AUTS2: variants seen among roughly 807,000 people sequenced by gnomAD.
AUTS2 encodes activator of transcription and developmental regulator AUTS2.
AUTS2 carries 17 observed loss-of-function variants against 112.4 expected under a neutral mutation model. That is an observed-to-expected ratio of 0.15 (90% CI 0.10 to 0.23). AUTS2 has a LOEUF of 0.23. Among genes scored for constraint, AUTS2 ranks in the 10% least tolerant of loss-of-function variants. The probability of loss-of-function intolerance (pLI) is 1.00; values close to 1 mark genes in which losing one functional copy is unlikely to be tolerated. For missense variants in AUTS2, 1,510 were observed against 1,701.6 expected (o/e 0.89, Z 1.98); for synonymous variants, 751 against 702.7 (o/e 1.07, Z -1.09).
At chr7:70,543,850 CT>C (rs1227900457) in intron 5 of AUTS2, among the ~76,000 whole-genome samples, 1 of 152,190 alleles carries the variant, frequency 6.6e-6, no homozygotes, top group Non-Finnish European at 1.5e-5. Context: ...TCGCCATTTT[CT>C]TTGCCTGGGA....
At chr7:70,361,741 C>CATG (rs1792278892) in intron 4 of AUTS2, among the ~76,000 whole-genome samples, 1 of 152,134 alleles carries the variant, frequency 6.6e-6, no homozygotes, top group African/African-American at 2.4e-5. Flanking sequence ...GTAAGTAATA[C>CATG]ATGCTCTCTG....
intron 4 of AUTS2, among the ~76,000 whole-genome samples, chr7:70,341,397 C>T (rs1394630479): frequency 6.6e-6 from 1 of 152,226 alleles, no homozygotes; most frequent in African/African-American, 2.4e-5. Flanking sequence ...ATTTACCCTT[C>T]TGAAACTGTG....
intron 4 of AUTS2, among the ~76,000 whole-genome samples, chr7:70,351,100 G>A (rs371373058): frequency 1.3e-5 from 2 of 150,074 alleles, no homozygotes; most frequent in African/African-American, 4.9e-5. Flanking sequence ...ACCCAGGCTG[G>A]AGTGCAATGG....
rs189443154 is a variant in AUTS2, at chr7:69,633,566, C to T, written c.309+33604C>T. ...TGTATCAAACTACATTCCCACCAAC[C>T]GTATACAAGAGTTCCTTTTCTCCAC... On this transcript the variant is annotated intron_variant, in intron 1 of 18. Transcript: ENST00000342771. Among the ~76,000 whole-genome samples the T allele has an allele frequency of 2.7e-3, 412 of 152,142 alleles. 1 individual carries two copies. Among genetic ancestry groups the T allele is most frequent in the Middle Eastern group, 0.01 (3 of 294 alleles).
intron 2 of AUTS2, among the ~76,000 whole-genome samples, chr7:70,065,557 G>A (rs933976834): frequency 4.6e-5 from 7 of 152,008 alleles, no homozygotes; most frequent in African/African-American, 1.7e-4. Flanking sequence ...TTAGCTGGGT[G>A]TGGTGGCACC....
intron 3 of AUTS2, among the ~76,000 whole-genome samples, chr7:70,121,210 A>G (rs1805665288): frequency 6.6e-6 from 1 of 152,196 alleles, no homozygotes; most frequent in Admixed American, 6.5e-5. Flanking sequence ...AAATGAATCA[A>G]TGACCAAAAT....
intron 3 of AUTS2, among the ~76,000 whole-genome samples, chr7:70,121,954 A>C (rs143107927): frequency 6.6e-6 from 1 of 152,242 alleles, no homozygotes; most frequent in Non-Finnish European, 1.5e-5. Flanking sequence ...AAATGAATTG[A>C]TAAACAAAAT....
intron 3 of AUTS2, among the ~76,000 whole-genome samples, chr7:70,133,674 A>T (rs1806393081): frequency 6.6e-6 from 1 of 152,226 alleles, no homozygotes; most frequent in Non-Finnish European, 1.5e-5. Flanking sequence ...CTTCATTTCA[A>T]GCTTAATCAC....
chr7:69,798,617 G>A (rs2129334458), intron 1 of AUTS2, among the ~76,000 whole-genome samples: 1 of 152,280 alleles, frequency 6.6e-6, no homozygotes, highest in Non-Finnish European at 1.5e-5. Flanking sequence ...AAAATGTGGA[G>A]AAAAGGGAAG....
At chr7:69,876,484 G>A (rs1298217975) in intron 1 of AUTS2, among the ~76,000 whole-genome samples, 23 of 54,266 alleles carry the variant, frequency 4.2e-4, no homozygotes, top group East Asian at 1.5e-3. Context: ...AATATTTTGT[G>A]TATATATATA....
chr7:70,314,312 C>T (rs149781162), intron 4 of AUTS2, among the ~76,000 whole-genome samples: 277 of 152,352 alleles, frequency 1.8e-3, no homozygotes, highest in African/African-American at 6.2e-3. Flanking sequence ...TTTAGTCCCT[C>T]TATAATCTCT....
At chr7:69,918,274 A>T (rs985358888) in intron 2 of AUTS2, among the ~76,000 whole-genome samples, 1 of 152,212 alleles carries the variant, frequency 6.6e-6, no homozygotes, top group African/African-American at 2.4e-5. Context: ...TTCGTTCAAA[A>T]ACGTAAAAAA....
chr7:70,746,078 A>G (rs1240037942), intron 6 of AUTS2, among the ~76,000 whole-genome samples: 1 of 152,244 alleles, frequency 6.6e-6, no homozygotes, highest in African/African-American at 2.4e-5. Context: ...GTAAAGGCAA[A>G]GATTGAAAGA....
At chr7:69,815,446 GA>G (rs1562902042) in intron 1 of AUTS2, among the ~76,000 whole-genome samples, 1 of 152,064 alleles carries the variant, frequency 6.6e-6, no homozygotes, top group Non-Finnish European at 1.5e-5. Context: ...ATAGATCTTT[GA>G]AAAAAACAGG....
intron 5 of AUTS2, among the ~76,000 whole-genome samples, chr7:70,441,932 A>G (rs1796137570): frequency 6.6e-6 from 1 of 152,160 alleles, no homozygotes; most frequent in African/African-American, 2.4e-5. Flanking sequence ...GCCATGTTTC[A>G]CACTCGGTAA....
intron 4 of AUTS2, among the ~76,000 whole-genome samples, chr7:70,173,171 G>T (rs1221567704): frequency 6.6e-6 from 1 of 152,152 alleles, no homozygotes; most frequent in Non-Finnish European, 1.5e-5. Context: ...GAGGTCAGGA[G>T]ATCGAGACCA....
At chr7:69,793,332 G>A (rs1014320869) in intron 1 of AUTS2, among the ~76,000 whole-genome samples, 3 of 152,168 alleles carry the variant, frequency 2.0e-5, no homozygotes, top group Admixed American at 6.5e-5. Context: ...AAGTAAATTC[G>A]TCAAACATTT....
At chr7:69,634,409 C>T (rs933612580) in intron 1 of AUTS2, among the ~76,000 whole-genome samples, 2 of 152,256 alleles carry the variant, frequency 1.3e-5, no homozygotes, top group East Asian at 1.9e-4. Context: ...CGTGAGCCAC[C>T]GCGCCCGGCC....
chr7:70,487,998 G>C (rs1297803685), intron 5 of AUTS2, among the ~76,000 whole-genome samples: 2 of 152,188 alleles, frequency 1.3e-5, no homozygotes, highest in African/African-American at 2.4e-5. Flanking sequence ...CCTCAGACCT[G>C]GTGGTCTGGG....
Sources: allele counts gnomAD v4.1 joint callset (sites outside exome capture counted in the v4.1 genomes callset), GRCh38; gene constraint gnomAD v4.1.1; transcripts MANE v1.5; gene names NCBI Gene and HGNC (gene_info 2026-07-23, HGNC 2026-07-21).